DLGAP2: variants seen among roughly 807,000 people sequenced by gnomAD.
DLGAP2 encodes DLG associated protein 2.
In DLGAP2, 26 loss-of-function variants were observed where a neutral mutation model predicts 100.3. The observed-to-expected ratio is 0.26, with a 90% CI of 0.19 to 0.36. The LOEUF is 0.36. Among genes scored for constraint, DLGAP2 ranks in the 10% least tolerant of loss-of-function variants. The pLI is 1.00. For missense variants in DLGAP2, 1,858 were observed against 1,453.2 expected, an observed-to-expected ratio of 1.28 and a Z score of -4.53; for synonymous variants, 886 against 630.1, an observed-to-expected ratio of 1.41 and a Z score of -6.08.
At chr8:795,009 C>T (rs574037138) in intron 1 of DLGAP2, among the ~76,000 whole-genome samples, 1 of 152,246 alleles carries the variant, frequency 6.6e-6, no homozygotes, top group South Asian at 2.1e-4. Flanking sequence ...TTGAGGTCCT[C>T]CATTTAGTTT....
At chr8:996,768 A>G (rs1352574170) in intron 2 of DLGAP2, among the ~76,000 whole-genome samples, 1 of 152,184 alleles carries the variant, frequency 6.6e-6, no homozygotes, top group Non-Finnish European at 1.5e-5. Flanking sequence ...CTAGTTGAAG[A>G]GGAAGTGAGG....
intron 1 of DLGAP2, among the ~76,000 whole-genome samples, chr8:898,879 G>A (rs1798196083): frequency 6.6e-6 from 1 of 152,234 alleles, no homozygotes; most frequent in African/African-American, 2.4e-5. Context: ...ACTGGAGGGT[G>A]AGCCCTGCGC....
intron 3 of DLGAP2, among the ~76,000 whole-genome samples, chr8:1,360,870 C>A (rs555584452): frequency 6.6e-6 from 1 of 152,192 alleles, no homozygotes; most frequent in Non-Finnish European, 1.5e-5. Context: ...CAGACAGAGA[C>A]CCGGGAATGC....
At chr8:1,388,139 T>C (rs1796262240) in intron 3 of DLGAP2, among the ~76,000 whole-genome samples, 1 of 102,270 alleles carries the variant, frequency 9.8e-6, no homozygotes, top group South Asian at 3.0e-4. Context: ...GTCAGGGCTG[T>C]GAGAGGCAGA....
rs1332716836 is a variant in DLGAP2, at chr8:1,703,276, C to G, written c.*1870C>G. The G allele has an allele frequency of 4.6e-5, 7 of 150,890 alleles. No homozygotes were observed. The East Asian group carries it at 1.4e-3, about 30-fold the overall frequency. The allele number at this position is 150,890 out of a possible 1,614,324, so 9.3% of individuals were successfully genotyped here. On this transcript the variant is annotated 3_prime_UTR_variant, in exon 15 of 15. Coordinates refer to ENST00000637795, the MANE Select transcript of DLGAP2 (RefSeq NM_001346810.2). Reference sequence around the variant, plus strand: ...ATATATTTGGAAGCAAAAATCAGTACGAATGTATCTCCTTGAAAAATGCAA... The same window carrying G: ...ATATATTTGGAAGCAAAAATCAGTAGGAATGTATCTCCTTGAAAAATGCAA...
At chr8:1,179,473 G>C (rs1797334444) in intron 2 of DLGAP2, among the ~76,000 whole-genome samples, 1 of 152,260 alleles carries the variant, frequency 6.6e-6, no homozygotes, top group Admixed American at 6.5e-5. Flanking sequence ...GTCCCCAGCA[G>C]GCTCTGCAAG....
At chr8:780,741 C>T (rs925446676) in intron 1 of DLGAP2, among the ~76,000 whole-genome samples, 1 of 152,230 alleles carries the variant, frequency 6.6e-6, no homozygotes, top group Non-Finnish European at 1.5e-5. Context: ...TGTCATTAAC[C>T]AGAGTCGCCG....
At chr8:1,353,598 T>G (rs1291137811) in intron 3 of DLGAP2, among the ~76,000 whole-genome samples, 2 of 152,194 alleles carry the variant, frequency 1.3e-5, no homozygotes, top group Non-Finnish European at 2.9e-5. Context: ...TTAAGATGGT[T>G]TGTCAGGACA....
intron 2 of DLGAP2, among the ~76,000 whole-genome samples, chr8:986,662 A>ATTT (rs3042253): frequency 0.014 from 2,057 of 144,458 alleles, 40 homozygotes; most frequent in African/African-American, 0.031. Flanking sequence ...ACTGTATTTG[A>ATTT]TTTTTTTTTT....
At chr8:1,021,083 A>G (rs1584983430) in intron 2 of DLGAP2, among the ~76,000 whole-genome samples, 1 of 152,326 alleles carries the variant, frequency 6.6e-6, no homozygotes, top group East Asian at 1.9e-4. Context: ...GGATTAGCCC[A>G]CAGTTTTGTT....
intron 3 of DLGAP2, among the ~76,000 whole-genome samples, chr8:1,328,492 T>G (rs991116221): frequency 1.3e-5 from 2 of 151,966 alleles, no homozygotes; most frequent in African/African-American, 4.8e-5. Flanking sequence ...GTGTGTTTTT[T>G]TGTTTTTTTG....
intron 3 of DLGAP2, among the ~76,000 whole-genome samples, chr8:1,273,561 C>T (rs908084449): frequency 2.6e-5 from 4 of 152,212 alleles, no homozygotes; most frequent in South Asian, 2.1e-4. Flanking sequence ...TGCTCTGCTG[C>T]TTCAGACGTG....
intron 2 of DLGAP2, among the ~76,000 whole-genome samples, chr8:961,935 C>T (rs543544859): frequency 3.3e-5 from 5 of 152,198 alleles, no homozygotes; most frequent in Non-Finnish European, 1.5e-5. Flanking sequence ...CAAGGCCGAT[C>T]AATATGTGGA....
At chr8:796,851 C>T (rs760207459) in intron 1 of DLGAP2, among the ~76,000 whole-genome samples, 32 of 152,242 alleles carry the variant, frequency 2.1e-4, no homozygotes, top group Non-Finnish European at 4.0e-4. Context: ...CTGGGGCCAC[C>T]TTCCTTTCCC....
intron 3 of DLGAP2, among the ~76,000 whole-genome samples, chr8:1,445,708 A>G (rs1797966962): frequency 6.6e-6 from 1 of 152,198 alleles, no homozygotes; most frequent in Non-Finnish European, 1.5e-5. Context: ...TCCCACTAAC[A>G]GTGTAAAAGT....
intron 13 of DLGAP2, among the ~76,000 whole-genome samples, chr8:1,692,832 C>T (rs1223017020): frequency 6.6e-6 from 1 of 151,026 alleles, no homozygotes; most frequent in African/African-American, 2.4e-5. Context: ...AAAAGAAAAA[C>T]CACATATATA....
chr8:1,572,583 C>T lies in DLGAP2; in HGVS notation c.1442+6689C>T, dbSNP rs1446706443. ...GAGGAGAGAGGGTGAACTGTGGGGG[C>T]GTCTGCTGGTATGGAGAGGAGAGGG... On this transcript the variant is annotated intron_variant, in intron 6 of 14. Transcript: ENST00000637795. Among the ~76,000 whole-genome samples the T allele has an allele frequency of 6.8e-4, 59 of 86,962 alleles. 1 individual carries two copies. The highest frequency in any genetic ancestry group is 0.014 in the Middle Eastern group (1 of 72). 57.1% of individuals were successfully genotyped at this position (86,962 alleles called of 152,430 possible). A position where few individuals can be genotyped will look rare whatever the true frequency, so the allele number is the denominator to read the frequency against.
At chr8:957,637 T>C (rs540909844) in intron 2 of DLGAP2, among the ~76,000 whole-genome samples, 1 of 152,358 alleles carries the variant, frequency 6.6e-6, no homozygotes, top group Non-Finnish European at 1.5e-5. Flanking sequence ...AATAGTCAAA[T>C]GACTGTCCTA....
chr8:1,306,248 G>C (rs1563073545), intron 3 of DLGAP2, among the ~76,000 whole-genome samples: 1 of 151,976 alleles, frequency 6.6e-6, no homozygotes, highest in Admixed American at 6.6e-5. Flanking sequence ...CAAAGTGTCT[G>C]CATACAAAAT....
Sources: gnomAD v4.1 joint callset for allele counts (sites outside exome capture counted in the v4.1 genomes callset) on GRCh38, gnomAD v4.1.1 for gene constraint, MANE v1.5 for transcripts, NCBI Gene and HGNC (gene_info 2026-07-23, HGNC 2026-07-21) for gene names.